Variants in MBD5 observed in about 807,000 individuals in gnomAD.
MBD5 encodes methyl-CpG-binding domain protein 5.
A neutral mutation model predicts 117.3 loss-of-function variants in MBD5; 13 were observed. The ratio of observed to expected loss-of-function variants is 0.11; its 90% CI spans 0.07 to 0.18. The LOEUF is 0.18. Ranked by LOEUF, MBD5 falls within the 10% of genes least tolerant of loss-of-function variation. The pLI, the probability that MBD5 is intolerant of heterozygous loss-of-function variation, is 1.00. For missense variants in MBD5, 1,879 were observed against 2,093.8 expected, an observed-to-expected ratio of 0.90 and a Z score of 2.00; for synonymous variants, 727 against 766.4, an observed-to-expected ratio of 0.95 and a Z score of 0.85.
At chr2:148,081,480 T>G (rs114994796) in intron 1 of MBD5, among the ~76,000 whole-genome samples, 1,557 of 152,288 alleles carry the variant, frequency 0.01, 36 homozygotes, top group African/African-American at 0.035. Flanking sequence ...AGAGAAATAT[T>G]AAACTTTTTA....
At chr2:148,382,619 C>A (rs1164256872) in intron 4 of MBD5, among the ~76,000 whole-genome samples, 1 of 152,204 alleles carries the variant, frequency 6.6e-6, no homozygotes. Context: ...TAGACATCTA[C>A]AGAACTCTCC....
At chr2:148,305,014 G>T (rs1344454959) in intron 3 of MBD5, among the ~76,000 whole-genome samples, 2 of 151,008 alleles carry the variant, frequency 1.3e-5, no homozygotes, top group Non-Finnish European at 3.0e-5. Context: ...GCAGTGAGCC[G>T]AGATCCCGCC....
At chr2:148,153,357 C>T (rs12478555) in intron 1 of MBD5, among the ~76,000 whole-genome samples, 64,781 of 151,222 alleles carry the variant, frequency 0.43, 13,983 homozygotes, top group Middle Eastern at 0.54. Flanking sequence ...ACCTTTCTCT[C>T]TGGCTGCCCT....
intron 2 of MBD5, among the ~76,000 whole-genome samples, chr2:148,209,681 G>A (rs1469850395): frequency 6.6e-6 from 1 of 152,068 alleles, no homozygotes; most frequent in Non-Finnish European, 1.5e-5. Flanking sequence ...TCTGCAGGCT[G>A]TATAAGCATG....
intron 1 of MBD5, among the ~76,000 whole-genome samples, chr2:148,047,311 C>T (rs1172605412): frequency 6.6e-6 from 1 of 152,186 alleles, no homozygotes; most frequent in Non-Finnish European, 1.5e-5. Context: ...CAAGCCATAA[C>T]TAAGACCATG....
chr2:148,342,752 TA>T (rs894601110), intron 4 of MBD5, among the ~76,000 whole-genome samples: 2 of 151,918 alleles, frequency 1.3e-5, no homozygotes, highest in African/African-American at 4.8e-5. Context: ...TCAGCCTTTT[TA>T]AAAAAAATTT....
At chr2:148,288,149 C>A (rs1701407133) in intron 3 of MBD5, among the ~76,000 whole-genome samples, 1 of 150,782 alleles carries the variant, frequency 6.6e-6, no homozygotes, top group Admixed American at 6.6e-5. Flanking sequence ...GCCTGTAATC[C>A]CAGCACTTTG....
intron 10 of MBD5, among the ~76,000 whole-genome samples, chr2:148,488,650 C>T (rs1021218776): frequency 6.0e-5 from 7 of 117,292 alleles, no homozygotes; most frequent in Admixed American, 1.1e-4. Flanking sequence ...TTAGATGGTG[C>T]GGGGGTGGGG....
rs373978420 is a variant in MBD5, at chr2:148,446,883, T to C, written c.-556-11320T>C. On this transcript the variant is annotated intron_variant, in intron 4 of 13. Coordinates refer to ENST00000642680, the MANE Select transcript of MBD5 (RefSeq NM_001378120.1). ...GATCTCAAGTATACCTTTGAAAGACTTGATGAATTTATTTGCTAACAGAAA... is the reference window on the plus strand; with the variant it reads ...GATCTCAAGTATACCTTTGAAAGACCTGATGAATTTATTTGCTAACAGAAA... Among the ~76,000 whole-genome samples the C allele has an allele frequency of 8.5e-5, 13 of 152,140 alleles. No individual in the cohort carries two copies. The East Asian group carries it at 2.3e-3, about 27-fold the overall frequency.
intron 3 of MBD5, among the ~76,000 whole-genome samples, chr2:148,323,644 C>A (rs1021903957): frequency 2.6e-5 from 4 of 151,990 alleles, no homozygotes; most frequent in Non-Finnish European, 5.9e-5. Context: ...TAAATGTCTT[C>A]TTTTGAGAAG....
At chr2:148,302,177 T>G (rs1487453478) in intron 3 of MBD5, among the ~76,000 whole-genome samples, 1 of 152,222 alleles carries the variant, frequency 6.6e-6, no homozygotes, top group Non-Finnish European at 1.5e-5. Flanking sequence ...CTCAGATTAA[T>G]ATTTTGAAAA....
intron 3 of MBD5, among the ~76,000 whole-genome samples, chr2:148,258,485 C>T (rs979393111): frequency 5.9e-5 from 9 of 152,140 alleles, no homozygotes; most frequent in South Asian, 2.1e-4. Flanking sequence ...ACCAGTGGAT[C>T]GCTAATTCCA....
chr2:148,075,476 C>T (rs1005854593), intron 1 of MBD5, among the ~76,000 whole-genome samples: 1 of 152,052 alleles, frequency 6.6e-6, no homozygotes, highest in African/African-American at 2.4e-5. Context: ...TTTTTTCATC[C>T]GTAAATATTT....
chr2:148,486,259 C>T (rs1414242114), intron 10 of MBD5, among the ~76,000 whole-genome samples: 1 of 152,126 alleles, frequency 6.6e-6, no homozygotes, highest in African/African-American at 2.4e-5. Context: ...TGCATGCCCA[C>T]CTGTCCACCC....
chr2:148,462,824 A>G (rs957906030), intron 6 of MBD5, 140 bp downstream of exon 6: 20 of 668,192 alleles, frequency 3.0e-5, no homozygotes, highest in Non-Finnish European at 4.4e-5. Flanking sequence ...CATATTTTGC[A>G]TGTGTTTTGG....
intron 8 of MBD5, among the ~76,000 whole-genome samples, chr2:148,481,953 T>C (rs1478938338): frequency 6.6e-6 from 1 of 152,196 alleles, no homozygotes; most frequent in Non-Finnish European, 1.5e-5. Context: ...AGAATAAGAA[T>C]GCTATGTAAG....
At chr2:148,177,475 A>G (rs979763942) in intron 1 of MBD5, among the ~76,000 whole-genome samples, 1 of 152,228 alleles carries the variant, frequency 6.6e-6, no homozygotes, top group Non-Finnish European at 1.5e-5. Flanking sequence ...AAGATATTAC[A>G]TGGTCATTGA....
intron 2 of MBD5, among the ~76,000 whole-genome samples, chr2:148,222,821 G>A (rs1699723557): frequency 6.6e-6 from 1 of 152,030 alleles, no homozygotes; most frequent in Admixed American, 6.6e-5. Context: ...GAGTAACAGT[G>A]AGAAAAGTGG....
intron 11 of MBD5, 69 bp from the exon 12 acceptor site, chr2:148,502,367 G>A (rs1681899104): frequency 3.4e-6 from 5 of 1,458,114 alleles, no homozygotes; most frequent in African/African-American, 1.4e-5. Context: ...TGTACGGCAG[G>A]AAAGTAAAAA....
Sources: gnomAD v4.1 joint callset for allele counts (sites outside exome capture counted in the v4.1 genomes callset) on GRCh38, gnomAD v4.1.1 for gene constraint, MANE v1.5 for transcripts, NCBI Gene and HGNC (gene_info 2026-07-23, HGNC 2026-07-21) for gene names.